Variants in CPEB3 observed in about 807,000 individuals in gnomAD.
CPEB3 encodes cytoplasmic polyadenylation element-binding protein 3.
In CPEB3, 20 loss-of-function variants were observed where a neutral mutation model predicts 67.2. The observed-to-expected ratio is 0.30, with a 90% CI of 0.21 to 0.43. The LOEUF (loss-of-function observed/expected upper bound fraction) is 0.43, where lower values mean the gene tolerates loss of function less well. Ranked by LOEUF, CPEB3 falls within the 20% of genes least tolerant of loss-of-function variation. The probability of loss-of-function intolerance (pLI) is 1.00; values close to 1 mark genes in which losing one functional copy is unlikely to be tolerated. For missense variants in CPEB3, 746 were observed against 968.6 expected (o/e 0.77, Z 3.05); for synonymous variants, 376 against 393.1 (o/e 0.96, Z 0.51).
intron 1 of CPEB3, among the ~76,000 whole-genome samples, chr10:92,251,708 A>C (rs73318037): frequency 4.2e-4 from 64 of 152,256 alleles, no homozygotes; most frequent in African/African-American, 1.3e-3. Context: ...TATAAACAAA[A>C]AAGCCCTTAA....
chr10:92,113,904 A>G (rs1263151728), intron 6 of CPEB3, among the ~76,000 whole-genome samples: 1 of 152,256 alleles, frequency 6.6e-6, no homozygotes, highest in Non-Finnish European at 1.5e-5. Flanking sequence ...ACTATTATCA[A>G]GAGAAATATC....
intron 7 of CPEB3, among the ~76,000 whole-genome samples, chr10:92,095,580 A>ATT (rs1231338929): frequency 1.1e-3 from 87 of 78,718 alleles, no homozygotes; most frequent in African/African-American, 5.4e-3. Context: ...TCTGGTCCTG[A>ATT]TTTATATATA....
intron 3 of CPEB3, among the ~76,000 whole-genome samples, chr10:92,186,208 CAA>C (rs1353287748): frequency 2.3e-5 from 1 of 44,354 alleles, no homozygotes; most frequent in Non-Finnish European, 4.9e-5. Flanking sequence ...CCTGTCTCCA[CAA>C]AAAAAAAAAA....
At position 92,285,040 on chromosome 10, in the gene CPEB3, C is replaced by A. The variant is rs1438986312; in HGVS notation, c.-12+5886G>T. 2.0e-5 allele frequency among the ~76,000 whole-genome samples: 3 copies of A among 152,302 alleles called. No individual in the cohort carries two copies. The East Asian group carries it at 5.8e-4, about 29-fold the overall frequency. ...ATCAAGGGGCATAAACTGGTAAGAG[C>A]CTTCCTGCTGCACCATAATATGGCA... On this transcript the variant is annotated intron_variant, in intron 1 of 9. Transcript: ENST00000265997.
At chr10:92,077,224 A>G (rs1842970708) in intron 9 of CPEB3, among the ~76,000 whole-genome samples, 1 of 152,220 alleles carries the variant, frequency 6.6e-6, no homozygotes, top group Admixed American at 6.5e-5. Flanking sequence ...GCTTTAGGAG[A>G]AAGATGAATA....
At chr10:92,137,724 T>C (rs1055210998) in intron 6 of CPEB3, 35 of 407,318 alleles carry the variant, frequency 8.6e-5, no homozygotes, top group South Asian at 1.4e-4. Flanking sequence ...CTCGGCTGGG[T>C]GCAGTGGCTC....
intron 2 of CPEB3, among the ~76,000 whole-genome samples, chr10:92,218,413 AACAAACAG>A (rs1252565970): frequency 6.6e-5 from 10 of 152,078 alleles, no homozygotes; most frequent in African/African-American, 1.5e-4. Flanking sequence ...TCTCAAAACA[AACAAACAG>A]ACAAACAAAC....
intron 6 of CPEB3, among the ~76,000 whole-genome samples, chr10:92,135,599 G>A (rs1846053412): frequency 6.6e-6 from 1 of 152,174 alleles, no homozygotes; most frequent in Non-Finnish European, 1.5e-5. Flanking sequence ...GGAAGACAGT[G>A]TGGCAATTCC....
chr10:92,094,377 C>A (rs968149902), intron 7 of CPEB3, among the ~76,000 whole-genome samples: 5 of 151,844 alleles, frequency 3.3e-5, no homozygotes, highest in Non-Finnish European at 7.4e-5. Flanking sequence ...CCGAGGCAGG[C>A]GGATCACGAG....
chr10:92,276,635 G>A (rs147872570), intron 1 of CPEB3, among the ~76,000 whole-genome samples: 207 of 152,172 alleles, frequency 1.4e-3, no homozygotes, highest in Middle Eastern at 6.8e-3. Flanking sequence ...AAAATAACAA[G>A]AAAAAGTAAA....
intron 7 of CPEB3, among the ~76,000 whole-genome samples, chr10:92,109,743 T>C (rs907753812): frequency 6.6e-6 from 1 of 152,182 alleles, no homozygotes; most frequent in Non-Finnish European, 1.5e-5. Flanking sequence ...ACTCTCAATA[T>C]CCCCATTCTT....
chr10:92,106,814 C>CAAAAAAAAAAAAAAAAAAAAAAAAA (rs531195477), intron 7 of CPEB3, among the ~76,000 whole-genome samples: 12 of 55,968 alleles, frequency 2.1e-4, no homozygotes, highest in African/African-American at 4.3e-4. Flanking sequence ...GACTCTGTCT[C>CAAAAAAAAAAAAAAAAAAAAAAAAA]AAAAAAAAAA....
At chr10:92,153,223 A>G (rs996654399) in intron 4 of CPEB3, among the ~76,000 whole-genome samples, 2 of 152,252 alleles carry the variant, frequency 1.3e-5, no homozygotes, top group African/African-American at 4.8e-5. Context: ...TCCCTGGAAT[A>G]GCTGATCTCT....
chr10:92,145,426 C>A (rs148045362), intron 4 of CPEB3, among the ~76,000 whole-genome samples: 1 of 151,988 alleles, frequency 6.6e-6, no homozygotes, highest in Non-Finnish European at 1.5e-5. Flanking sequence ...GTCAGGAGTT[C>A]GAGGCCAGCC....
chr10:92,223,989 A>T (rs761784741), intron 2 of CPEB3, among the ~76,000 whole-genome samples: 5 of 151,124 alleles, frequency 3.3e-5, no homozygotes, highest in Non-Finnish European at 5.9e-5. Flanking sequence ...TTGGTCTCCA[A>T]CTCCTGACCT....
intron 1 of CPEB3, among the ~76,000 whole-genome samples, chr10:92,246,611 C>T (rs752465430): frequency 5.9e-5 from 9 of 151,408 alleles, no homozygotes; most frequent in Non-Finnish European, 1.0e-4. Context: ...TGGGTCCAAG[C>T]GATTCTCCTG....
At chr10:92,099,461 C>T (rs1009029246) in intron 7 of CPEB3, among the ~76,000 whole-genome samples, 3 of 152,030 alleles carry the variant, frequency 2.0e-5, no homozygotes, top group African/African-American at 7.2e-5. Context: ...CTCTACTATG[C>T]ATTATTTCTT....
intron 4 of CPEB3, among the ~76,000 whole-genome samples, chr10:92,177,109 T>C (rs978867631): frequency 5.9e-5 from 9 of 152,202 alleles, no homozygotes; most frequent in Non-Finnish European, 7.3e-5. Flanking sequence ...CTACTATTAG[T>C]ATTAGAAAAA....
chr10:92,280,547 C>T (rs1454110434), intron 1 of CPEB3, among the ~76,000 whole-genome samples: 1 of 150,076 alleles, frequency 6.7e-6, no homozygotes, highest in African/African-American at 2.4e-5. Context: ...GTGGCAAAAC[C>T]CTCGTCTCTA....
Sources: allele counts gnomAD v4.1 joint callset (sites outside exome capture counted in the v4.1 genomes callset), GRCh38; gene constraint gnomAD v4.1.1; transcripts MANE v1.5; gene names NCBI Gene and HGNC (gene_info 2026-07-23, HGNC 2026-07-21).